The following SDK1 variants were observed in gnomAD, a reference collection of about 807,000 sequenced individuals.
The protein encoded by SDK1 is protein sidekick-1.
A neutral mutation model predicts 245.5 loss-of-function variants in SDK1; 157 were observed. That is an observed-to-expected ratio of 0.64 (90% CI 0.56 to 0.73). The LOEUF is 0.73. Ranked by LOEUF, SDK1 falls within the 30% of genes least tolerant of loss-of-function variation. SDK1 has a pLI of 0.00. For missense variants in SDK1, 3,583 were observed against 3,002.3 expected (o/e 1.19, Z -4.52); for synonymous variants, 1,647 against 1,278.5 (o/e 1.29, Z -6.15).
chr7:3,936,319 C>T (rs534098615), intron 5 of SDK1, among the ~76,000 whole-genome samples: 3 of 152,122 alleles, frequency 2.0e-5, no homozygotes, highest in Non-Finnish European at 4.4e-5. Flanking sequence ...CGGTGGCTCA[C>T]GCCTGTAATC....
intron 1 of SDK1, among the ~76,000 whole-genome samples, chr7:3,564,573 G>C (rs1779848676): frequency 6.6e-6 from 1 of 151,890 alleles, no homozygotes; most frequent in Non-Finnish European, 1.5e-5. Context: ...TGATTTTATT[G>C]GAACAAAATG....
At position 3,415,657 on chromosome 7, in the gene SDK1, A is replaced by C. The variant is rs533221453; in HGVS notation, c.298+113773A>C. On this transcript the variant is annotated intron_variant, in intron 1 of 44. Coordinates refer to ENST00000404826, the MANE Select transcript of SDK1 (RefSeq NM_152744.4). ...ATGATAGTAGTTGCTTTGTATCCCT[A>C]CTTCTGAGCTGCAAACCCATGCCAG... 4.0e-5 allele frequency among the ~76,000 whole-genome samples: 6 copies of C among 151,188 alleles called. 1 individual carries two copies. The highest frequency in any genetic ancestry group is 1.2e-4 in the African/African-American group (5 of 41,312).
At chr7:4,044,321 C>G (rs186742557) in intron 17 of SDK1, among the ~76,000 whole-genome samples, 23 of 152,346 alleles carry the variant, frequency 1.5e-4, no homozygotes, top group African/African-American at 4.8e-4. Context: ...GCAGCAGAAG[C>G]TGCTAGTTTA....
At chr7:4,066,496 C>G (rs751762492) in intron 19 of SDK1, among the ~76,000 whole-genome samples, 19 of 152,336 alleles carry the variant, frequency 1.2e-4, no homozygotes, top group Non-Finnish European at 1.5e-4. Flanking sequence ...TCCACCTGCT[C>G]CTCATGCCTT....
At position 4,067,881 on chromosome 7, in the gene SDK1, C is replaced by T. The variant is rs1317704095; in HGVS notation, c.2955C>T (p.Asp985=). 1.2e-6 allele frequency: 2 copies of T among 1,613,264 alleles called. No homozygotes were observed. Among genetic ancestry groups the T allele is most frequent in the East Asian group, 2.2e-5 (1 of 44,894 alleles). The change falls in exon 20 of 45, where the codon GAC becomes GAT. Residue 985 remains aspartate (D), a synonymous_variant. Transcript: ENST00000404826. ...VGHLSFTEIL[D]TSLKVSWQEP... ...ATCTGAGTTTCACAGAGATCTTGGA[C>T]ACATCTCTCAAGGTCAGCTGGCAGG... is the stretch of plus-strand genomic sequence containing the variant.
At position 3,827,741 on chromosome 7, in the gene SDK1, G is replaced by A. The variant is rs575348489; in HGVS notation, c.847+6158G>A. 2.0e-5 allele frequency among the ~76,000 whole-genome samples: 3 copies of A among 152,268 alleles called. 1 individual carries two copies. Among genetic ancestry groups the A allele is most frequent in the African/African-American group, 7.2e-5 (3 of 41,558 alleles). ...TCACTTTCAGGCCATGTGTTTAAGA[G>A]CCAATGTGTTACCTTCATGCTCTCC... is the stretch of plus-strand genomic sequence containing the variant. On this transcript the variant is annotated intron_variant, in intron 5 of 44. Transcript: ENST00000404826.
At chr7:3,672,794 T>TATATATATATATATATAA (rs1468918926) in intron 4 of SDK1, among the ~76,000 whole-genome samples, 2 of 65,580 alleles carry the variant, frequency 3.0e-5, no homozygotes, top group Admixed American at 4.3e-4. Context: ...TATATATATA[T>TATATATATATATATATAA]AAAAAATACA....
intron 5 of SDK1, among the ~76,000 whole-genome samples, chr7:3,920,828 G>A (rs1219808243): frequency 1.3e-5 from 2 of 152,176 alleles, no homozygotes; most frequent in Admixed American, 6.5e-5. Context: ...GTGACTGCTC[G>A]GAGGTTATTT....
intron 4 of SDK1, among the ~76,000 whole-genome samples, chr7:3,788,531 G>GCATGATTCTGCATGATTCTGCA (rs1396079567): frequency 6.6e-6 from 1 of 152,148 alleles, no homozygotes; most frequent in Non-Finnish European, 1.5e-5. Flanking sequence ...TGCATGCTGT[G>GCATGATTCTGCATGATTCTGCA]TGATTCTGAT....
intron 4 of SDK1, among the ~76,000 whole-genome samples, chr7:3,806,906 G>A (rs1200196270): frequency 6.6e-6 from 1 of 151,934 alleles, no homozygotes; most frequent in Non-Finnish European, 1.5e-5. Context: ...ACCTAAATTT[G>A]CTTCCTGCCT....
At chr7:3,321,618 GT>G (rs1343113025) in intron 1 of SDK1, among the ~76,000 whole-genome samples, 1 of 151,956 alleles carries the variant, frequency 6.6e-6, no homozygotes. Flanking sequence ...CATTCTTCAT[GT>G]TTTCGCAAGT....
chr7:3,917,519 T>C (rs1249787808), intron 5 of SDK1, among the ~76,000 whole-genome samples: 1 of 152,086 alleles, frequency 6.6e-6, no homozygotes, highest in Non-Finnish European at 1.5e-5. Flanking sequence ...AGGTTGTCCT[T>C]CAGGGGCCAG....
At chr7:4,175,979 A>G (rs1444686056) in intron 34 of SDK1, 145 bp downstream of exon 34, 14 of 665,076 alleles carry the variant, frequency 2.1e-5, no homozygotes, top group East Asian at 1.1e-4. Flanking sequence ...GTCTCCACAT[A>G]CCAAACCACC....
intron 17 of SDK1, among the ~76,000 whole-genome samples, chr7:4,021,391 A>T (rs1044699113): frequency 1.3e-5 from 2 of 152,142 alleles, no homozygotes; most frequent in Non-Finnish European, 2.9e-5. Context: ...GTTTGTGGCT[A>T]TCTGTGTTGC....
At chr7:3,984,029 CTTTTAAAAAATCT>C (rs1783624197) in intron 13 of SDK1, among the ~76,000 whole-genome samples, 1 of 152,194 alleles carries the variant, frequency 6.6e-6, no homozygotes, top group Non-Finnish European at 1.5e-5. Context: ...TGTTTTTAAT[CTTTTAAAAAATCT>C]TTTTACATCC....
At chr7:3,415,347 G>C (rs7785511) in intron 1 of SDK1, among the ~76,000 whole-genome samples, 118,151 of 151,996 alleles carry the variant, frequency 0.78, 46,528 homozygotes, top group African/African-American at 0.91. Flanking sequence ...TAGTGGAAGA[G>C]TGTATTGCAG....
Position 3,354,559 on chromosome 7 carries a change from G to A in SDK1, c.298+52675G>A, listed in dbSNP as rs1274689117. Among the ~76,000 whole-genome samples, 4 of 152,324 alleles carry A rather than the reference G, an allele frequency of 2.6e-5. No homozygotes were observed. The East Asian group carries it at 7.7e-4, about 29-fold the overall frequency. On this transcript the variant is annotated intron_variant, in intron 1 of 44. Coordinates refer to ENST00000404826, the MANE Select transcript of SDK1 (RefSeq NM_152744.4). The stretch of plus-strand genomic sequence containing the variant: ...TGTAAGAATATTTTGTGGTGTCAGT[G>A]TATTAATAGCTCCTGAAAGAAAATT...
chr7:3,631,307 T>C (rs971677290), intron 2 of SDK1, among the ~76,000 whole-genome samples: 2 of 152,202 alleles, frequency 1.3e-5, no homozygotes, highest in Non-Finnish European at 2.9e-5. Flanking sequence ...AAGTCTATTA[T>C]ATTTAATTGA....
At chr7:4,049,557 G>C (rs1789287267) in intron 18 of SDK1, 94 bp downstream of exon 18, 1 of 929,306 alleles carries the variant, frequency 1.1e-6, no homozygotes, top group Non-Finnish European at 1.7e-6. Flanking sequence ...TGTATCAAGA[G>C]CTGGTTGCAT....
Sources: allele counts gnomAD v4.1 joint callset (sites outside exome capture counted in the v4.1 genomes callset), GRCh38; gene constraint gnomAD v4.1.1; transcripts MANE v1.5; gene names NCBI Gene and HGNC (gene_info 2026-07-23, HGNC 2026-07-21).